NIFK: variants seen among roughly 807,000 people sequenced by gnomAD.
NIFK encodes nucleolar protein interacting with the FHA domain of MKI67, also known as MKI67 FHA domain-interacting nucleolar phosphoprotein.
A neutral mutation model predicts 31.7 loss-of-function variants in NIFK; 16 were observed. That is an observed-to-expected ratio of 0.50 (90% CI 0.34 to 0.77). The LOEUF is 0.77. Among genes scored for constraint, NIFK ranks in the 30% least tolerant of loss-of-function variants. The probability of loss-of-function intolerance (pLI) is 0.01; values close to 1 mark genes in which losing one functional copy is unlikely to be tolerated. For missense variants in NIFK, 341 were observed against 350.4 expected (o/e 0.97, Z 0.21); for synonymous variants, 126 against 123.0 (o/e 1.02, Z -0.16).
chr2:121,731,402 G>T (rs552497142), intron 3 of NIFK, among the ~76,000 whole-genome samples: 1 of 152,304 alleles, frequency 6.6e-6, no homozygotes, highest in South Asian at 2.1e-4. Context: ...GCACCCTATG[G>T]ACTGCAGGGT....
At chr2:121,733,169 A>AGGAGTTC (rs1204540564) in intron 2 of NIFK, among the ~76,000 whole-genome samples, 3 of 152,034 alleles carry the variant, frequency 2.0e-5, no homozygotes, top group Admixed American at 6.6e-5. Flanking sequence ...ACCTGAGGTC[A>AGGAGTTC]GGAGTTCGAG....
Position 121,735,746 on chromosome 2 carries a change from T to C in NIFK, c.110A>G (p.Lys37Arg). The C allele has an allele frequency of 9.9e-6, 16 of 1,612,434 alleles. No homozygotes were observed. Among genetic ancestry groups the C allele is most frequent in the Non-Finnish European group, 1.4e-5 (16 of 1,179,600 alleles). Residue 37 changes from lysine to arginine, a missense_variant, in exon 2 of 7, where the codon AAA becomes AGA. Coordinates refer to ENST00000285814, the MANE Select transcript of NIFK (RefSeq NM_032390.5). ...AQVRKRITQR[K>R]KQEQLTPGVV... ...TCCAGGAGTAAGTTGTTCTTGTTTTTTTCGCTAAAGACGTAAAGACCAGGT... is the reference window on the plus strand; with the variant it reads ...TCCAGGAGTAAGTTGTTCTTGTTTTCTTCGCTAAAGACGTAAAGACCAGGT...
At position 121,732,078 on chromosome 2, in the gene NIFK, T is replaced by A. The variant is rs751562445; in HGVS notation, c.352+18A>T. The A allele has an allele frequency of 6.7e-7, 1 of 1,498,744 alleles. No individual in the cohort carries two copies. The highest frequency in any genetic ancestry group is 1.4e-5 in the African/African-American group (1 of 72,588). 92.8% of individuals were successfully genotyped at this position (1,498,744 alleles called of 1,614,324 possible). A position where few individuals can be genotyped will look rare whatever the true frequency, so the allele number is the denominator to read the frequency against. On this transcript the variant is annotated intron_variant, in intron 3 of 6. Transcript: ENST00000285814. ...AGCAGGCACCCAGGCAACCCTGCGG[T>A]AAGACAGGAGCACTTACACTCCAAG...
In NIFK at chr2:121,732,220, C is replaced by A; in HGVS notation, c.244-16G>T. The A allele has an allele frequency of 6.8e-7, 1 of 1,478,558 alleles. No homozygotes were observed. The highest frequency in any genetic ancestry group is 1.2e-5 in the South Asian group (1 of 85,810). The allele number at this position is 1,478,558 out of a possible 1,614,324, so 91.6% of individuals were successfully genotyped here. On this transcript the variant is annotated splice_polypyrimidine_tract_variant and intron_variant, in intron 2 of 6. Coordinates refer to ENST00000285814, the MANE Select transcript of NIFK (RefSeq NM_032390.5). Reference sequence around the variant, plus strand: ...TATTTCCAGTCTGCAACAGAGAAACCGCCACAAAAAGTAGAACAATTAAAT... The same window carrying A: ...TATTTCCAGTCTGCAACAGAGAAACAGCCACAAAAAGTAGAACAATTAAAT...
Position 121,728,509 on chromosome 2 carries a change from T to C in NIFK, c.592A>G (p.Lys198Glu). Residue 198 changes from lysine to glutamate, a missense_variant, in exon 5 of 7, where the codon AAA (lysine) becomes GAA (glutamate). Transcript: ENST00000285814. ...LILQKTESISKTNRQTSTKGQ... is the reference protein window; with the variant it reads ...LILQKTESISETNRQTSTKGQ... ...TTTGTAGACGTCTGACGATTAGTTT[T>C]TGAAATACTTTCCGTTTTCTGTAAA... The C allele has an allele frequency of 1.9e-6, 3 of 1,584,290 alleles. No individual in the cohort carries two copies. The highest frequency in any genetic ancestry group is 2.6e-6 in the Non-Finnish European group (3 of 1,168,794).
intron 4 of NIFK, among the ~76,000 whole-genome samples, chr2:121,728,882 A>G (rs1219352969): frequency 1.3e-5 from 2 of 152,160 alleles, no homozygotes; most frequent in East Asian, 3.8e-4. Flanking sequence ...CAGTGCTCAC[A>G]TGCCTCTTTT....
intron 1 of NIFK, 194 bp from the exon 2 acceptor site, chr2:121,735,944 G>A: frequency 1.8e-6 from 1 of 563,586 alleles, no homozygotes; most frequent in Non-Finnish European, 3.1e-6. Context: ...TTCCAGCCTG[G>A]CATCCCAGCA....
intron 2 of NIFK, among the ~76,000 whole-genome samples, chr2:121,733,799 T>C (rs1172108535): frequency 6.6e-6 from 1 of 152,232 alleles, no homozygotes; most frequent in Non-Finnish European, 1.5e-5. Flanking sequence ...CAGTTATGCT[T>C]ACATGCATAT....
intron 4 of NIFK, among the ~76,000 whole-genome samples, chr2:121,729,859 TAG>T (rs1434725033): frequency 6.6e-6 from 1 of 152,208 alleles, no homozygotes; most frequent in Non-Finnish European, 1.5e-5. Flanking sequence ...TTCTGTATAA[TAG>T]AAATAACAGA....
chr2:121,734,826 T>C (rs777858731), intron 2 of NIFK, among the ~76,000 whole-genome samples: 11 of 152,120 alleles, frequency 7.2e-5, no homozygotes, highest in Non-Finnish European at 1.5e-4. Context: ...TGAATTTAAT[T>C]CCCTAATTAA....
Position 121,731,005 on chromosome 2 carries a change from C to A in NIFK, c.452G>T (p.Arg151Leu). ...PSYPSVKRYN[R>L]NRTLTQKLRM... Reference sequence around the variant, plus strand: ...TAGCTTTTGTGTTAGTGTCCGATTCCGATTATACCGTTTCACTGATGGATA... The same window carrying A: ...TAGCTTTTGTGTTAGTGTCCGATTCAGATTATACCGTTTCACTGATGGATA... The change falls in exon 4 of 7, where the codon CGG becomes CTG. Residue 151 changes from arginine (R) to leucine (L), a missense_variant. By Grantham distance (102) the Arg-to-Leu change is moderately radical (BLOSUM62 -2). Transcript: ENST00000285814. 6.2e-7 allele frequency: 1 copy of A among 1,612,370 alleles called. No homozygotes were observed. Among genetic ancestry groups the A allele is most frequent in the South Asian group, 1.1e-5 (1 of 91,042 alleles).
At chr2:121,736,481 C>A (rs1250581179) in intron 1 of NIFK, among the ~76,000 whole-genome samples, 2 of 152,244 alleles carry the variant, frequency 1.3e-5, no homozygotes, top group Admixed American at 1.3e-4. Context: ...TCCCCGTTAC[C>A]CTCCACATGA....
chr2:121,736,707 T>G, intron 1 of NIFK, 39 bp downstream of exon 1: 1 of 1,560,294 alleles, frequency 6.4e-7, no homozygotes, highest in East Asian at 2.2e-5. Context: ...ACCCGGTCCA[T>G]CGCCCCCGCT....
intron 4 of NIFK, among the ~76,000 whole-genome samples, chr2:121,729,752 T>C (rs2074523896): frequency 6.6e-6 from 1 of 152,158 alleles, no homozygotes; most frequent in Non-Finnish European, 1.5e-5. Flanking sequence ...TCTAAGAGTA[T>C]TACAGTCTTT....
In NIFK at chr2:121,727,876, T is replaced by C; in HGVS notation, c.730A>G (p.Arg244Gly). 1 of 1,605,456 alleles carries C rather than the reference T, an allele frequency of 6.2e-7. No individual in the cohort carries two copies. The highest frequency in any genetic ancestry group is 8.5e-7 in the Non-Finnish European group (1 of 1,178,382). Residue 244 changes from arginine (R) to glycine (G), a missense_variant, in exon 7 of 7, where the codon AGG becomes GGG. Physicochemically the swap from Arg to Gly is moderately radical, Grantham distance 125. Coordinates refer to ENST00000285814, the MANE Select transcript of NIFK (RefSeq NM_032390.5). ...AGTTCAGCCACTTGAGATTTTCGCC[T>C]CTCCAAAAATGTTGGTGTACAAACT... ...TPVCTPTFLE[R>G]RKSQVAELND...
At chr2:121,736,176 C>T (rs1573376784) in intron 1 of NIFK, among the ~76,000 whole-genome samples, 1 of 152,212 alleles carries the variant, frequency 6.6e-6, no homozygotes, top group Non-Finnish European at 1.5e-5. Context: ...GTCATCATAG[C>T]CTTACCTCTG....
Position 121,728,778 on chromosome 2 carries a change from C to A in NIFK, c.565-242G>T, listed in dbSNP as rs550141402. On this transcript the variant is annotated intron_variant, in intron 4 of 6. Transcript: ENST00000285814. ...GGCCAAAACCTGGAGCTCACTGATTCACAGAATCCTGAATTCAGGAGGGTG... is the reference window on the plus strand; with the variant it reads ...GGCCAAAACCTGGAGCTCACTGATTAACAGAATCCTGAATTCAGGAGGGTG... 3.3e-5 allele frequency among the ~76,000 whole-genome samples: 5 copies of A among 152,228 alleles called. No individual in the cohort carries two copies. The South Asian group carries it at 1.0e-3, about 32-fold the overall frequency.
At position 121,727,265 on chromosome 2, in the gene NIFK, A is replaced by C; in HGVS notation, c.*459T>G. On this transcript the variant is annotated 3_prime_UTR_variant, in exon 7 of 7. Coordinates refer to ENST00000285814, the MANE Select transcript of NIFK (RefSeq NM_032390.5). ...CTGGAACTGCCTTCTCACTCTACAT[A>C]TAATTAAACTTCCAGCTTCAACCAT... is the stretch of plus-strand genomic sequence containing the variant. The C allele has an allele frequency of 2.7e-6, 1 of 366,288 alleles. No homozygotes were observed. Among genetic ancestry groups the C allele is most frequent in the Admixed American group, 3.8e-5 (1 of 26,446 alleles). 22.7% of individuals were successfully genotyped at this position (366,288 alleles called of 1,614,324 possible).
chr2:121,735,614 C>T lies in NIFK; in HGVS notation c.242G>A (p.Arg81Lys). The T allele has an allele frequency of 6.2e-7, 1 of 1,611,810 alleles. No homozygotes were observed. Among genetic ancestry groups the T allele is most frequent in the East Asian group, 2.2e-5 (1 of 44,866 alleles). ...VTRFRLSRSK[R>K]TGNSKGYAFV... is the part of the protein sequence containing the mutation. ...TAAATCCAACTGCAAAAATCTTACC[C>T]TTTTACTTCTGGACAGCCTGAACCG... Residue 81 changes from arginine to lysine, a missense_variant and splice_region_variant, in exon 2 of 7, where the codon AGG (arginine) becomes AAG (lysine). Transcript: ENST00000285814.
Sources: gnomAD v4.1 joint callset for allele counts (sites outside exome capture counted in the v4.1 genomes callset) on GRCh38, gnomAD v4.1.1 for gene constraint, MANE v1.5 for transcripts, NCBI Gene and HGNC (gene_info 2026-07-23, HGNC 2026-07-21) for gene names.